The following PTPRD variants were observed in gnomAD, a reference collection of about 807,000 sequenced individuals.
PTPRD encodes protein tyrosine phosphatase receptor type D, also known as receptor-type tyrosine-protein phosphatase delta.
PTPRD carries 34 observed loss-of-function variants against 214.5 expected under a neutral mutation model. The observed-to-expected ratio is 0.16, with a 90% CI of 0.12 to 0.21. The LOEUF (loss-of-function observed/expected upper bound fraction) is 0.21, where lower values mean the gene tolerates loss of function less well. Among genes scored for constraint, PTPRD ranks in the 10% least tolerant of loss-of-function variants. PTPRD has a pLI of 1.00. For synonymous variants in PTPRD, 1,128 were observed against 845.7 expected, an observed-to-expected ratio of 1.33 and a Z score of -5.79; for missense variants, 2,545 against 2,398.7, an observed-to-expected ratio of 1.06 and a Z score of -1.27.
intron 5 of PTPRD, among the ~76,000 whole-genome samples, chr9:9,828,408 A>T (rs1489748064): frequency 6.6e-6 from 1 of 152,148 alleles, no homozygotes; most frequent in Non-Finnish European, 1.5e-5. Context: ...AGGACAAAAA[A>T]CCAAACACTG....
chr9:9,305,293 T>C (rs911152453), intron 9 of PTPRD, among the ~76,000 whole-genome samples: 1 of 152,008 alleles, frequency 6.6e-6, no homozygotes, highest in African/African-American at 2.4e-5. Flanking sequence ...CTTGGTAGGT[T>C]TTCCAGAGAA....
intron 9 of PTPRD, among the ~76,000 whole-genome samples, chr9:9,220,555 G>C (rs897336030): frequency 5.9e-5 from 9 of 151,992 alleles, no homozygotes; most frequent in African/African-American, 2.2e-4. Flanking sequence ...TAAAAAGCAA[G>C]GGGATGCTCC....
chr9:9,887,260 T>G (rs1257124103), intron 5 of PTPRD, among the ~76,000 whole-genome samples: 2 of 152,116 alleles, frequency 1.3e-5, no homozygotes, highest in African/African-American at 4.8e-5. Flanking sequence ...CAATAAACCA[T>G]GAAAATTTTC....
intron 5 of PTPRD, among the ~76,000 whole-genome samples, chr9:9,775,778 C>G (rs1168168041): frequency 6.6e-6 from 1 of 152,020 alleles, no homozygotes; most frequent in African/African-American, 2.4e-5. Flanking sequence ...CCAGTCTCTA[C>G]TGAAAATAGA....
At chr9:9,756,033 T>C (rs2098569803) in intron 6 of PTPRD, among the ~76,000 whole-genome samples, 1 of 152,014 alleles carries the variant, frequency 6.6e-6, no homozygotes, top group Non-Finnish European at 1.5e-5. Context: ...TCAATTCTTA[T>C]ATTGAAGAAA....
intron 14 of PTPRD, among the ~76,000 whole-genome samples, chr9:8,576,630 G>T (rs200992062): frequency 2.2e-5 from 1 of 45,412 alleles, no homozygotes; most frequent in Non-Finnish European, 4.0e-5. Context: ...GGCTAATGCA[G>T]CAAAAAAAAA....
At chr9:8,719,515 T>C (rs2098469713) in intron 12 of PTPRD, among the ~76,000 whole-genome samples, 1 of 152,234 alleles carries the variant, frequency 6.6e-6, no homozygotes, top group Admixed American at 6.5e-5. Flanking sequence ...TCCTGTCTGA[T>C]GAGGAGTTGC....
At chr9:8,643,108 G>T (rs2096612663) in intron 12 of PTPRD, among the ~76,000 whole-genome samples, 1 of 150,830 alleles carries the variant, frequency 6.6e-6, no homozygotes, top group African/African-American at 2.5e-5. Flanking sequence ...CAAAAAAATT[G>T]TTTATGGTAT....
chr9:9,999,456 T>C (rs2096255316), intron 4 of PTPRD, among the ~76,000 whole-genome samples: 1 of 152,226 alleles, frequency 6.6e-6, no homozygotes, highest in Non-Finnish European at 1.5e-5. Flanking sequence ...CCACCAAATA[T>C]TAGAACTTCT....
At chr9:9,511,770 C>T (rs1050699308) in intron 8 of PTPRD, among the ~76,000 whole-genome samples, 1 of 151,514 alleles carries the variant, frequency 6.6e-6, no homozygotes, top group African/African-American at 2.4e-5. Flanking sequence ...TATTCAATAC[C>T]AAAGATCTCT....
intron 5 of PTPRD, among the ~76,000 whole-genome samples, chr9:9,856,970 T>G (rs549323477): frequency 1.3e-5 from 2 of 152,200 alleles, no homozygotes; most frequent in Non-Finnish European, 2.9e-5. Context: ...TTATTCTTAA[T>G]GGACCAATGT....
chr9:9,029,825 A>G (rs888335257), intron 10 of PTPRD, among the ~76,000 whole-genome samples: 1 of 151,888 alleles, frequency 6.6e-6, no homozygotes, highest in African/African-American at 2.4e-5. Flanking sequence ...TGTACTTAAG[A>G]CTTCGGTAAA....
At chr9:10,095,034 T>G (rs1356807239) in intron 3 of PTPRD, among the ~76,000 whole-genome samples, 2 of 151,394 alleles carry the variant, frequency 1.3e-5, no homozygotes, top group African/African-American at 4.8e-5. Context: ...AACCTTAAGG[T>G]GTCAGCATAG....
At chr9:9,384,489 C>G (rs949158543) in intron 9 of PTPRD, among the ~76,000 whole-genome samples, 4 of 149,594 alleles carry the variant, frequency 2.7e-5, no homozygotes, top group Non-Finnish European at 5.9e-5. Flanking sequence ...AGTTTTTGAG[C>G]TCTTGCAGTA....
chr9:10,018,759 C>T (rs1212190226), intron 4 of PTPRD, among the ~76,000 whole-genome samples: 1 of 151,088 alleles, frequency 6.6e-6, no homozygotes, highest in Admixed American at 6.6e-5. Context: ...CCGTTTTAGC[C>T]GGGATGGTCT....
rs116370815 is a variant in PTPRD at position 8,602,923 on chromosome 9, T to C, written c.352+30394A>G. Among the ~76,000 whole-genome samples, 353 of 152,334 alleles carry C rather than the reference T, an allele frequency of 2.3e-3. 3 individuals carry two copies. The highest frequency in any genetic ancestry group is 8.2e-3 in the African/African-American group (343 of 41,576). On this transcript the variant is annotated intron_variant, in intron 14 of 45. Transcript: ENST00000381196. ...CATTCATCTGCATAAACTCATTCGA[T>C]ATAATCCCCTTTAGTCAAACCCACC...
chr9:9,599,667 A>C lies in PTPRD; in HGVS notation c.-286-24886T>G, dbSNP rs113062286. 1.3e-3 allele frequency among the ~76,000 whole-genome samples: 204 copies of C among 152,054 alleles called. 1 individual carries two copies. The highest frequency in any genetic ancestry group is 4.9e-3 in the African/African-American group (203 of 41,478). On this transcript the variant is annotated intron_variant, in intron 7 of 45. Transcript: ENST00000381196. ...TATACCATTTTTTCTCTTTGGTTTTATCCATGTCTTAATTCATATTTCTAA... is the reference window on the plus strand; with the variant it reads ...TATACCATTTTTTCTCTTTGGTTTTCTCCATGTCTTAATTCATATTTCTAA...
At chr9:10,494,207 A>G (rs980025852) in intron 2 of PTPRD, among the ~76,000 whole-genome samples, 2 of 151,926 alleles carry the variant, frequency 1.3e-5, no homozygotes, top group African/African-American at 4.8e-5. Flanking sequence ...TCCTCTAAAG[A>G]TAGTTTAAAA....
At chr9:9,223,585 T>A (rs186162672) in intron 9 of PTPRD, among the ~76,000 whole-genome samples, 186 of 152,150 alleles carry the variant, frequency 1.2e-3, no homozygotes, top group Non-Finnish European at 2.2e-3. Flanking sequence ...TTATTTTTTT[T>A]AAAAGTATTT....
Sources: gnomAD v4.1 joint callset for allele counts (sites outside exome capture counted in the v4.1 genomes callset) on GRCh38, gnomAD v4.1.1 for gene constraint, MANE v1.5 for transcripts, NCBI Gene and HGNC (gene_info 2026-07-23, HGNC 2026-07-21) for gene names.